The following ICA1 variants were observed in gnomAD, a reference collection of about 807,000 sequenced individuals.
ICA1 encodes 69 kDa islet cell autoantigen.
In ICA1, 40 loss-of-function variants were observed where a neutral mutation model predicts 71.0. That is an observed-to-expected ratio of 0.56 (90% confidence interval 0.44 to 0.73). ICA1 has a LOEUF of 0.73. Ranked by LOEUF, ICA1 falls within the 30% of genes least tolerant of loss-of-function variation. ICA1 has a pLI of 0.00. For missense variants in ICA1, 578 were observed against 576.5 expected (o/e 1.00, Z -0.03); for synonymous variants, 207 against 209.5 (o/e 0.99, Z 0.10).
rs1205746469 is a variant in ICA1, at chr7:8,226,177, C to G, written c.256+2424G>C. 6.6e-6 allele frequency among the ~76,000 whole-genome samples: 1 copy of G among 152,092 alleles called. No individual in the cohort carries two copies. Among genetic ancestry groups the G allele is most frequent in the East Asian group, 1.9e-4 (1 of 5,180 alleles). On this transcript the variant is annotated intron_variant, in intron 4 of 13. Coordinates refer to ENST00000402384, the MANE Select transcript of ICA1 (RefSeq NM_001136020.3). The surrounding 1 kb of genome is among the most constrained non-coding windows in gnomAD (Gnocchi z 4.4). ...GTTACTATGGTTTTATGAATCAGAG[C>G]TATGGGAAGGTATCTCATAGCTCCC... is the stretch of plus-strand genomic sequence containing the variant.
intron 5 of ICA1, 116 bp from the exon 6 acceptor site, chr7:8,218,619 T>C: frequency 1.3e-6 from 1 of 771,606 alleles, no homozygotes; most frequent in Non-Finnish European, 2.2e-6. Flanking sequence ...ATGTAGAAGA[T>C]GCTCCATCAA....
At chr7:8,260,590 C>G (rs1430835941) in intron 1 of ICA1, among the ~76,000 whole-genome samples, 1 of 152,098 alleles carries the variant, frequency 6.6e-6, no homozygotes, top group Non-Finnish European at 1.5e-5. Flanking sequence ...CAAACAGAAA[C>G]AATTAGAAAG....
chr7:8,243,184 G>A (rs10280651), intron 1 of ICA1, among the ~76,000 whole-genome samples: 3 of 151,952 alleles, frequency 2.0e-5, no homozygotes, highest in East Asian at 1.9e-4. Flanking sequence ...ACTGGCAAAC[G>A]GAATCCAGCA....
chr7:8,127,822 C>A, intron 13 of ICA1, 51 bp downstream of exon 13: 3 of 1,522,186 alleles, frequency 2.0e-6, no homozygotes, highest in East Asian at 2.3e-5. Flanking sequence ...GGATTGAAAA[C>A]AAAAAGAATG....
rs952012164 is a variant in ICA1, at chr7:8,173,889, G to T, written c.580-15237C>A. Among the ~76,000 whole-genome samples, 14 of 151,854 alleles carry T rather than the reference G, an allele frequency of 9.2e-5. No individual in the cohort carries two copies. Among genetic ancestry groups the T allele is most frequent in the African/African-American group, 3.4e-4 (14 of 41,326 alleles). ...AAAGCAAAGTCTTTGCTTTCATGAT[G>T]GTTATGTTGTAGTGGGTGAAACTGG... On this transcript the variant is annotated intron_variant, in intron 6 of 13. Transcript: ENST00000402384. The surrounding 1 kb of genome is among the most constrained non-coding windows in gnomAD (Gnocchi z 4.0).
chr7:8,115,464 AT>A (rs1228776896), intron 13 of ICA1, among the ~76,000 whole-genome samples: 1 of 152,190 alleles, frequency 6.6e-6, no homozygotes, highest in African/African-American at 2.4e-5. Flanking sequence ...TAGTGAAAAG[AT>A]GCTACATGCT....
intron 13 of ICA1, among the ~76,000 whole-genome samples, chr7:8,125,745 T>C (rs1277217793): frequency 6.6e-6 from 1 of 152,218 alleles, no homozygotes; most frequent in South Asian, 2.1e-4. Flanking sequence ...TAAATATTTG[T>C]TGACTGAATG....
intron 6 of ICA1, among the ~76,000 whole-genome samples, chr7:8,188,869 T>C (rs1047626400): frequency 6.6e-6 from 1 of 152,148 alleles, no homozygotes; most frequent in African/African-American, 2.4e-5. Flanking sequence ...GTATTCTATC[T>C]TTCAGTGACG....
At chr7:8,258,625 T>G (rs915212183) in intron 1 of ICA1, among the ~76,000 whole-genome samples, 11 of 152,240 alleles carry the variant, frequency 7.2e-5, no homozygotes, top group Non-Finnish European at 2.9e-5. Flanking sequence ...GCAACTGGCC[T>G]ACAGTCACAT....
At chr7:8,246,770 G>T (rs1444395306) in intron 1 of ICA1, among the ~76,000 whole-genome samples, 2 of 152,116 alleles carry the variant, frequency 1.3e-5, no homozygotes, top group South Asian at 4.1e-4. Context: ...TTTTTGAGAC[G>T]GAGTCTCGCT....
intron 12 of ICA1, 152 bp from the exon 13 acceptor site, chr7:8,128,294 C>G (rs936711160): frequency 2.6e-6 from 2 of 769,322 alleles, no homozygotes; most frequent in Non-Finnish European, 4.0e-6. Flanking sequence ...ATTATAGCCT[C>G]TCTTAAGAGT....
intron 6 of ICA1, among the ~76,000 whole-genome samples, chr7:8,160,067 C>A (rs763530252): frequency 6.6e-6 from 1 of 152,010 alleles, no homozygotes; most frequent in Non-Finnish European, 1.5e-5. Context: ...AGCAACCTGG[C>A]GCAAAGCAGG....
At chr7:8,149,306 G>C (rs975354124) in intron 8 of ICA1, among the ~76,000 whole-genome samples, 2 of 152,214 alleles carry the variant, frequency 1.3e-5, no homozygotes, top group African/African-American at 4.8e-5. Flanking sequence ...GCAGCACACA[G>C]AGTCATACAA....
intron 1 of ICA1, among the ~76,000 whole-genome samples, chr7:8,242,663 A>G (rs1302725379): frequency 1.3e-5 from 2 of 152,262 alleles, no homozygotes; most frequent in East Asian, 1.9e-4. Flanking sequence ...TTGATAGATC[A>G]CTAGCAAGAC....
At chr7:8,243,701 C>A (rs1342965867) in intron 1 of ICA1, among the ~76,000 whole-genome samples, 1 of 152,140 alleles carries the variant, frequency 6.6e-6, no homozygotes, top group Admixed American at 6.5e-5. Flanking sequence ...CTTAAGCAGA[C>A]AAGCAACTTC....
chr7:8,227,921 G>A (rs113170164), intron 4 of ICA1: 8,252 of 412,732 alleles, frequency 0.02, 88 homozygotes, highest in African/African-American at 0.046. Context: ...TATTACTGAT[G>A]TAGAAAAATG....
chr7:8,240,021 G>A (rs1172649013), intron 1 of ICA1, among the ~76,000 whole-genome samples: 1 of 152,210 alleles, frequency 6.6e-6, no homozygotes, highest in African/African-American at 2.4e-5. Context: ...AAACGTCCCT[G>A]TCTGACAGCT....
intron 12 of ICA1, among the ~76,000 whole-genome samples, chr7:8,133,106 A>T (rs1203253185): frequency 6.6e-6 from 1 of 152,132 alleles, no homozygotes. Flanking sequence ...ATGGATTATC[A>T]TGGGAGTGGG....
In ICA1 at chr7:8,197,978, G is replaced by T. The variant is rs534827803; in HGVS notation, c.579+20327C>A. Among the ~76,000 whole-genome samples the T allele has an allele frequency of 1.8e-4, 28 of 152,286 alleles. 1 individual carries two copies. Among genetic ancestry groups the T allele is most frequent in the Non-Finnish European group, 3.5e-4 (24 of 68,012 alleles). On this transcript the variant is annotated intron_variant, in intron 6 of 13. Transcript: ENST00000402384. ...GTTATACATAATGATTTTATCAGAA[G>T]AGTATTCCCTATATTTTGGAATGAT...
Sources: gnomAD v4.1 joint callset for allele counts (sites outside exome capture counted in the v4.1 genomes callset) on GRCh38, gnomAD v4.1.1 for gene constraint, Gnocchi (gnomAD v3.1) non-coding constraint, MANE v1.5 for transcripts, NCBI Gene and HGNC (gene_info 2026-07-23, HGNC 2026-07-21) for gene names.